ESRRG: variants seen among roughly 807,000 people sequenced by gnomAD.
ESRRG encodes the protein estrogen-related receptor gamma.
ESRRG carries 13 observed loss-of-function variants against 44.0 expected under a neutral mutation model. The ratio of observed to expected loss-of-function variants is 0.30; its 90% CI spans 0.19 to 0.47. The LOEUF is 0.47. ESRRG is among the 20% of genes least tolerant of loss of function. ESRRG has a pLI of 1.00. For synonymous variants in ESRRG, 215 were observed against 214.6 expected (o/e 1.00, Z -0.02); for missense variants, 395 against 580.6 (o/e 0.68, Z 3.29).
chr1:216,991,433 ATAT>A (rs1560392257), intron 1 of ESRRG, among the ~76,000 whole-genome samples: 1 of 152,118 alleles, frequency 6.6e-6, no homozygotes, highest in African/African-American at 2.4e-5. Flanking sequence ...AACTCGGCAT[ATAT>A]TCATTGGGAG....
intron 2 of ESRRG, among the ~76,000 whole-genome samples, chr1:216,775,898 C>G (rs1333262521): frequency 6.6e-6 from 1 of 151,780 alleles, no homozygotes; most frequent in Non-Finnish European, 1.5e-5. Context: ...CAATTTATCA[C>G]TCTTTTTTCT....
chr1:217,111,900 C>T (rs1055079699), intron 1 of ESRRG, among the ~76,000 whole-genome samples: 7 of 152,172 alleles, frequency 4.6e-5, no homozygotes, highest in African/African-American at 1.4e-4. Context: ...CCAAGGCTCA[C>T]TCTTAAGAAA....
chr1:217,058,393 C>A (rs969170361), intron 1 of ESRRG, among the ~76,000 whole-genome samples: 1 of 151,980 alleles, frequency 6.6e-6, no homozygotes, highest in African/African-American at 2.4e-5. Context: ...TTCCATAAGT[C>A]CTTTCTGAGT....
At chr1:216,683,487 C>T (rs552209977) in intron 1 of ESRRG, among the ~76,000 whole-genome samples, 4 of 152,234 alleles carry the variant, frequency 2.6e-5, no homozygotes, top group East Asian at 1.9e-4. Flanking sequence ...TAGCTTACTC[C>T]ATGAAGAACA....
intron 2 of ESRRG, among the ~76,000 whole-genome samples, chr1:216,878,237 T>A (rs140243565): frequency 1.3e-5 from 2 of 152,326 alleles, no homozygotes; most frequent in East Asian, 3.9e-4. Context: ...AACTGCCTGA[T>A]CATATACTTT....
intron 2 of ESRRG, among the ~76,000 whole-genome samples, chr1:216,827,644 A>G (rs2095419719): frequency 1.3e-5 from 2 of 152,224 alleles, no homozygotes; most frequent in South Asian, 4.1e-4. Flanking sequence ...GACAGTTTGT[A>G]TACGTATTCT....
At chr1:216,973,732 G>T (rs561292118) in intron 1 of ESRRG, among the ~76,000 whole-genome samples, 4 of 151,380 alleles carry the variant, frequency 2.6e-5, no homozygotes, top group African/African-American at 7.3e-5. Flanking sequence ...AGGCTGAGGC[G>T]CAAGAATTGC....
chr1:216,598,394 C>T (rs2058734525), intron 3 of ESRRG, among the ~76,000 whole-genome samples: 1 of 152,102 alleles, frequency 6.6e-6, no homozygotes, highest in African/African-American at 2.4e-5. Flanking sequence ...TCTTGAACTG[C>T]ATTAATGGGA....
chr1:216,867,974 A>G (rs969353231), intron 2 of ESRRG, among the ~76,000 whole-genome samples: 5 of 149,600 alleles, frequency 3.3e-5, no homozygotes, highest in African/African-American at 1.2e-4. Flanking sequence ...CTACAATTTT[A>G]TCTTTTTGTG....
intron 1 of ESRRG, among the ~76,000 whole-genome samples, chr1:216,697,650 A>G (rs185051588): frequency 5.3e-5 from 8 of 152,352 alleles, no homozygotes; most frequent in Admixed American, 4.6e-4. Flanking sequence ...AGGTCAAAAT[A>G]GCCATGCTAA....
chr1:216,511,766 C>A (rs987506934), intron 6 of ESRRG, among the ~76,000 whole-genome samples: 1 of 152,146 alleles, frequency 6.6e-6, no homozygotes, highest in African/African-American at 2.4e-5. Flanking sequence ...AGGATATTAT[C>A]TAGAACTACG....
intron 2 of ESRRG, among the ~76,000 whole-genome samples, chr1:216,731,467 G>C (rs1304824342): frequency 2.0e-5 from 3 of 152,192 alleles, no homozygotes; most frequent in Non-Finnish European, 4.4e-5. Context: ...CAAGACCTGT[G>C]TGTTTTGCTT....
chr1:216,709,042 A>C (rs2083017488), intron 1 of ESRRG, among the ~76,000 whole-genome samples: 1 of 152,082 alleles, frequency 6.6e-6, no homozygotes, highest in African/African-American at 2.4e-5. Context: ...AGGGAGGGGA[A>C]CAACACACAC....
chr1:216,639,569 A>G (rs978628628), intron 3 of ESRRG, among the ~76,000 whole-genome samples: 1 of 152,156 alleles, frequency 6.6e-6, no homozygotes, highest in African/African-American at 2.4e-5. Flanking sequence ...ATTAAGTTAA[A>G]CCAAGTAATG....
At chr1:216,592,523 G>T (rs78240452) in intron 3 of ESRRG, among the ~76,000 whole-genome samples, 3,647 of 151,224 alleles carry the variant, frequency 0.024, 131 homozygotes, top group African/African-American at 0.084. Context: ...TTCTTCTGGA[G>T]ATAGAGTCTT....
At chr1:216,978,771 A>G (rs2073415088) in intron 1 of ESRRG, among the ~76,000 whole-genome samples, 1 of 152,160 alleles carries the variant, frequency 6.6e-6, no homozygotes, top group Non-Finnish European at 1.5e-5. Flanking sequence ...TTTTTTCCAC[A>G]TGTCCACTAA....
intron 5 of ESRRG, among the ~76,000 whole-genome samples, chr1:216,555,231 T>C (rs960670913): frequency 5.9e-5 from 9 of 152,192 alleles, no homozygotes; most frequent in African/African-American, 2.2e-4. Context: ...TACATGGCTT[T>C]TCTCTACTGA....
chr1:216,793,975 T>C (rs2094401993), intron 2 of ESRRG, among the ~76,000 whole-genome samples: 1 of 151,030 alleles, frequency 6.6e-6, no homozygotes, highest in South Asian at 2.1e-4. Flanking sequence ...TTTTTTTTTT[T>C]TTAATACTGT....
chr1:217,078,027 A>G (rs1459262667), intron 1 of ESRRG: 1 of 152,236 alleles, frequency 6.6e-6, no homozygotes, highest in Non-Finnish European at 1.5e-5. Context: ...TTGAAAATGA[A>G]TGTAACATAA....
Sources: gnomAD v4.1 joint callset for allele counts (sites outside exome capture counted in the v4.1 genomes callset) on GRCh38, gnomAD v4.1.1 for gene constraint, MANE v1.5 for transcripts, NCBI Gene and HGNC (gene_info 2026-07-23, HGNC 2026-07-21) for gene names.